Variants in CYP2W1 observed in about 807,000 individuals in gnomAD.
The protein encoded by CYP2W1 is cytochrome P450 family 2 subfamily W member 1.
In CYP2W1, 51 loss-of-function variants were observed where a neutral mutation model predicts 44.9. The ratio of observed to expected loss-of-function variants is 1.14; its 90% CI spans 0.91 to 1.43. The LOEUF (loss-of-function observed/expected upper bound fraction) is 1.43. Ranked by LOEUF, CYP2W1 falls within the 40% of genes most tolerant of loss-of-function variation. The pLI, the probability that CYP2W1 is intolerant of heterozygous loss-of-function variation, is 0.00. For missense variants in CYP2W1, 746 were observed against 700.0 expected (o/e 1.07, Z -0.74); for synonymous variants, 383 against 338.3 (o/e 1.13, Z -1.45).
chr7:987,687 G>A (rs1053249981), intron 7 of CYP2W1, among the ~76,000 whole-genome samples, 156 bp downstream of exon 7: 2 of 152,182 alleles, frequency 1.3e-5, no homozygotes, highest in Non-Finnish European at 2.9e-5. Flanking sequence ...GAGCAGGAGG[G>A]AGGCAGCCCT....
intron 1 of CYP2W1, 77 bp downstream of exon 1, chr7:983,462 C>A: frequency 2.3e-6 from 3 of 1,328,290 alleles, no homozygotes; most frequent in Non-Finnish European, 2.0e-6. Flanking sequence ...GGAAGCCCAG[C>A]CCGGTTTCCA....
chr7:986,954 C>T (rs755777655), intron 5 of CYP2W1, among the ~76,000 whole-genome samples, 153 bp from the exon 6 acceptor site: 11 of 152,162 alleles, frequency 7.2e-5, no homozygotes, highest in Non-Finnish European at 1.2e-4. Context: ...GTCTGTGAAA[C>T]GGGGCATCCA....
At chr7:987,318 C>A in intron 6 of CYP2W1, 29 bp from the exon 7 acceptor site, 2 of 1,544,732 alleles carry the variant, frequency 1.3e-6, no homozygotes, top group South Asian at 1.2e-5. Context: ...GATGGCGCTG[C>A]CACCCAAGCG....
intron 4 of CYP2W1, among the ~76,000 whole-genome samples, chr7:985,847 GGACCCAGA>G (rs1294853761): frequency 2.0e-5 from 3 of 152,244 alleles, no homozygotes; most frequent in African/African-American, 7.2e-5. Flanking sequence ...CATCACGGCT[GGACCCAGA>G]GACCACGGGT....
At position 985,113 on chromosome 7, in the gene CYP2W1, C is replaced by T. The variant is rs764562049; in HGVS notation, c.487+14C>T. On this transcript the variant is annotated intron_variant, in intron 3 of 8. Coordinates refer to ENST00000308919, the MANE Select transcript of CYP2W1 (RefSeq NM_017781.3). ...ATGGCTACAGAGGTGAGCAGGGGGC[C>T]GGGGACGCCCCTCCCCGGGCCTGGA... is the stretch of plus-strand genomic sequence containing the variant. 6.2e-6 allele frequency: 10 copies of T among 1,609,742 alleles called. No homozygotes were observed. The highest frequency in any genetic ancestry group is 2.2e-5 in the East Asian group (1 of 44,782).
chr7:983,439 G>GC (rs1848075889), intron 1 of CYP2W1, 54 bp downstream of exon 1: 3 of 1,373,016 alleles, frequency 2.2e-6, no homozygotes, highest in African/African-American at 3.0e-5. Flanking sequence ...CCGTGTCCTG[G>GC]CCCCCCTCCT....
intron 1 of CYP2W1, 47 bp from the exon 2 acceptor site, chr7:984,365 G>A (rs887958175): frequency 7.2e-6 from 11 of 1,536,804 alleles, no homozygotes; most frequent in East Asian, 4.9e-5. Context: ...CCTAAGGGGG[G>A]TCTTGTGGGT....
At chr7:987,652 G>T (rs932701595) in intron 7 of CYP2W1, 121 bp downstream of exon 7, 7 of 1,020,804 alleles carry the variant, frequency 6.9e-6, no homozygotes, top group Admixed American at 2.9e-5. Context: ...TCCCCGACCG[G>T]AGGCAATAAA....
chr7:986,061 A>G (rs897064926), intron 4 of CYP2W1, among the ~76,000 whole-genome samples: 1 of 152,174 alleles, frequency 6.6e-6, no homozygotes, highest in Non-Finnish European at 1.5e-5. Flanking sequence ...GGTCCGGGGC[A>G]GCCCCAGGGC....
chr7:986,554 G>T, intron 4 of CYP2W1, 70 bp from the exon 5 acceptor site: 3 of 1,566,878 alleles, frequency 1.9e-6, no homozygotes, highest in Non-Finnish European at 2.6e-6. Flanking sequence ...CGCTGGGGAC[G>T]ATCACCGCCT....
chr7:983,892 C>T (rs974530074), intron 1 of CYP2W1, among the ~76,000 whole-genome samples: 5 of 152,244 alleles, frequency 3.3e-5, no homozygotes, highest in African/African-American at 1.2e-4. Context: ...GGCAGCCTGA[C>T]TAGCACTGTC....
chr7:988,671 C>T lies in CYP2W1; in HGVS notation c.1322C>T (p.Thr441Ile), dbSNP rs1562957354. The T allele has an allele frequency of 6.2e-7, 1 of 1,600,784 alleles. No homozygotes were observed. Among genetic ancestry groups the T allele is most frequent in the Non-Finnish European group, 8.5e-7 (1 of 1,179,626 alleles). Residue 441 changes from threonine to isoleucine, a missense_variant, in exon 9 of 9, where the codon ACC becomes ATC. Transcript: ENST00000308919. The part of the protein sequence containing the change: ...RVCVGERLAR[T>I]ELFLLFAGLL... ...TGTGTTGGGGAGCGCCTGGCCAGGA[C>T]CGAGCTCTTCCTGCTGTTTGCCGGC...
In CYP2W1 at chr7:987,498, C is replaced by T. The variant is rs1449263645; in HGVS notation, c.1110C>T (p.Ala370=). ...CGCACGTGCCCCGCTGCACCGCGGC[C>T]GACACACAGCTGGGCGGCTTCCTGC... is the stretch of plus-strand genomic sequence containing the variant. The part of the protein sequence containing the change: ...LLPHVPRCTA[A]DTQLGGFLLP... The change falls in exon 7 of 9, where the codon GCC becomes GCT. Residue 370 remains alanine (A), a synonymous_variant. Transcript: ENST00000308919. The T allele has an allele frequency of 1.4e-5, 22 of 1,543,688 alleles. No homozygotes were observed. The highest frequency in any genetic ancestry group is 1.7e-4 in the Middle Eastern group (1 of 5,934).
At chr7:984,041 G>C (rs987688009) in intron 1 of CYP2W1, among the ~76,000 whole-genome samples, 2 of 152,198 alleles carry the variant, frequency 1.3e-5, no homozygotes, top group Non-Finnish European at 2.9e-5. Flanking sequence ...AGGGTCTCTG[G>C]GGGCCGAGCC....
chr7:984,608 G>C (rs1230481486), intron 2 of CYP2W1, 34 bp downstream of exon 2: 3 of 1,541,344 alleles, frequency 1.9e-6, no homozygotes, highest in Non-Finnish European at 2.6e-6. Context: ...GGGCCTACTG[G>C]GTGTGGGGGC....
rs975594070 is a variant in CYP2W1, at chr7:987,175, C to T, written c.888C>T (p.Ala296=). 19 of 1,566,410 alleles carry T rather than the reference C, an allele frequency of 1.2e-5. No homozygotes were observed. Among genetic ancestry groups the T allele is most frequent in the South Asian group, 9.4e-5 (8 of 85,350 alleles). The stretch of plus-strand genomic sequence containing the variant: ...CCTGCACCCTGGACATGGTCATGGC[C>T]GGGACGGAGACGACCTCGGCCACGC... ...AVACTLDMVM[A]GTETTSATLQ... Residue 296 remains alanine (A), a synonymous_variant, in exon 6 of 9, where the codon GCC becomes GCT. Transcript: ENST00000308919.
Position 987,331 on chromosome 7 carries a change from C to A in CYP2W1, c.959-16C>A. The A allele has an allele frequency of 1.3e-6, 2 of 1,562,200 alleles. No individual in the cohort carries two copies. Among genetic ancestry groups the A allele is most frequent in the Admixed American group, 1.7e-5 (1 of 57,296 alleles). On this transcript the variant is annotated splice_polypyrimidine_tract_variant and intron_variant, in intron 6 of 8. Transcript: ENST00000308919. ...GGGATGGCGCTGCCACCCAAGCGGC[C>A]CACCCTTTGCCCCAGGCCGGGTGCA...
intron 6 of CYP2W1, 47 bp from the exon 7 acceptor site, chr7:987,300 G>A (rs769170780): frequency 6.6e-6 from 10 of 1,521,652 alleles, no homozygotes; most frequent in Non-Finnish European, 8.8e-6. Flanking sequence ...GGACCCCCAG[G>A]GACGAGGGAT....
chr7:988,626 C>A lies in CYP2W1; in HGVS notation c.1286-9C>A. The A allele has an allele frequency of 6.2e-7, 1 of 1,603,196 alleles. No individual in the cohort carries two copies. On this transcript the variant is annotated splice_polypyrimidine_tract_variant and intron_variant, in intron 8 of 8. Transcript: ENST00000308919. ...TGCAGCCCACTCTGTGCCTGGACAT[C>A]CCCCGCAGGCCGCCGCGTCTGTGTT...
Sources: allele counts gnomAD v4.1 joint callset (sites outside exome capture counted in the v4.1 genomes callset), GRCh38; gene constraint gnomAD v4.1.1; transcripts MANE v1.5; gene names NCBI Gene and HGNC (gene_info 2026-07-23, HGNC 2026-07-21).